Variants in STPG2 observed in about 807,000 individuals in gnomAD.
STPG2 encodes the protein sperm-tail PG-rich repeat-containing protein 2.
A neutral mutation model predicts 54.2 loss-of-function variants in STPG2; 56 were observed. The observed-to-expected ratio is 1.03, with a 90% CI of 0.83 to 1.29. STPG2 has a LOEUF of 1.29. Among genes scored for constraint, STPG2 ranks in the 50% most tolerant of loss-of-function variants. The pLI, the probability that STPG2 is intolerant of heterozygous loss-of-function variation, is 0.00. For synonymous variants in STPG2, 200 were observed against 181.8 expected (o/e 1.10, Z -0.81); for missense variants, 596 against 544.9 (o/e 1.09, Z -0.93).
At chr4:97,553,020 G>C (rs1470832383) in intron 4 of STPG2, among the ~76,000 whole-genome samples, 1 of 152,030 alleles carries the variant, frequency 6.6e-6, no homozygotes, top group African/African-American at 2.4e-5. Flanking sequence ...CTTTTCCATG[G>C]ATCCTTTTTT....
chr4:97,558,488 C>T (rs1294049593), downstream of STPG2, among the ~76,000 whole-genome samples: 1 of 152,158 alleles, frequency 6.6e-6, no homozygotes, highest in African/African-American at 2.4e-5. Context: ...TTCTTTCTGG[C>T]TCTTCTTGCT....
chr4:97,466,435 G>T (rs1729790755), intron 4 of STPG2, among the ~76,000 whole-genome samples: 1 of 151,944 alleles, frequency 6.6e-6, no homozygotes. Flanking sequence ...TAATAGTTTT[G>T]TGAATGGGGC....
intron 9 of STPG2, among the ~76,000 whole-genome samples, chr4:97,778,999 G>A (rs1189623960): frequency 4.6e-5 from 7 of 152,140 alleles, no homozygotes; most frequent in Admixed American, 4.6e-4. Flanking sequence ...GAGTAGAAAA[G>A]CCGAAAATTC....
At chr4:97,559,926 T>G (rs1367818171) in intron 10 of STPG2, among the ~76,000 whole-genome samples, 1 of 152,216 alleles carries the variant, frequency 6.6e-6, no homozygotes, top group Admixed American at 6.5e-5. Flanking sequence ...TTTAATTTCC[T>G]TGCCTTTTCC....
At chr4:98,076,588 A>G (rs950626567) in intron 5 of STPG2, among the ~76,000 whole-genome samples, 1 of 152,180 alleles carries the variant, frequency 6.6e-6, no homozygotes, top group Non-Finnish European at 1.5e-5. Context: ...GCAGTTATAG[A>G]TATTTCAAAG....
chr4:97,535,193 A>G (rs1345712883), intron 4 of STPG2, among the ~76,000 whole-genome samples: 1 of 152,204 alleles, frequency 6.6e-6, no homozygotes, highest in Non-Finnish European at 1.5e-5. Flanking sequence ...TTAATTTTAT[A>G]AAATACTGCC....
intron 5 of STPG2, among the ~76,000 whole-genome samples, chr4:98,018,380 G>A (rs1265105494): frequency 2.0e-5 from 3 of 152,178 alleles, no homozygotes; most frequent in African/African-American, 7.2e-5. Context: ...GTATTCCATG[G>A]TGTATATGTG....
At chr4:97,705,566 G>C (rs1208854287) in intron 10 of STPG2, among the ~76,000 whole-genome samples, 2 of 151,782 alleles carry the variant, frequency 1.3e-5, no homozygotes, top group Non-Finnish European at 2.9e-5. Flanking sequence ...CCTCCGATGA[G>C]TTGCCCACCT....
intron 8 of STPG2, among the ~76,000 whole-genome samples, chr4:97,871,853 T>C (rs908525506): frequency 2.0e-5 from 3 of 151,084 alleles, no homozygotes; most frequent in Non-Finnish European, 4.5e-5. Context: ...AAGAAAATTA[T>C]AGACCAATCA....
At chr4:97,457,315 G>A (rs1729554171) in intron 4 of STPG2, among the ~76,000 whole-genome samples, 1 of 152,202 alleles carries the variant, frequency 6.6e-6, no homozygotes, top group Non-Finnish European at 1.5e-5. Context: ...ATGCTTACAG[G>A]TATCTTGTTC....
At chr4:97,960,659 C>T (rs1421357733) in intron 7 of STPG2, among the ~76,000 whole-genome samples, 1 of 151,956 alleles carries the variant, frequency 6.6e-6, no homozygotes, top group Admixed American at 6.6e-5. Flanking sequence ...AAGACCTCTA[C>T]AAGGAAAACT....
intron 7 of STPG2, among the ~76,000 whole-genome samples, chr4:97,954,068 A>T (rs1332436073): frequency 6.6e-6 from 1 of 152,240 alleles, no homozygotes; most frequent in Non-Finnish European, 1.5e-5. Context: ...TTTAGTACTT[A>T]GGAGGTAAAA....
At chr4:98,009,534 G>C (rs1330526759) in intron 5 of STPG2, among the ~76,000 whole-genome samples, 1 of 151,988 alleles carries the variant, frequency 6.6e-6, no homozygotes, top group African/African-American at 2.4e-5. Flanking sequence ...ATGTGTGCTT[G>C]TGACAAATAT....
At chr4:97,630,622 T>A (rs868691395) in intron 10 of STPG2, among the ~76,000 whole-genome samples, 1 of 151,876 alleles carries the variant, frequency 6.6e-6, no homozygotes, top group East Asian at 1.9e-4. Context: ...GAAAAACACA[T>A]TCTTCCTTTA....
downstream of STPG2, among the ~76,000 whole-genome samples, chr4:97,554,392 G>A (rs1171304098): frequency 6.6e-6 from 1 of 152,162 alleles, no homozygotes; most frequent in African/African-American, 2.4e-5. Context: ...CTCTGAGAGA[G>A]GCTGGAAAAT....
intron 10 of STPG2, among the ~76,000 whole-genome samples, chr4:97,606,922 G>A (rs1733609668): frequency 1.3e-5 from 2 of 151,840 alleles, no homozygotes; most frequent in South Asian, 4.1e-4. Flanking sequence ...GGCACTTATA[G>A]GCTAAAATTC....
At chr4:97,508,715 G>C (rs899929917) in intron 4 of STPG2, among the ~76,000 whole-genome samples, 14 of 151,966 alleles carry the variant, frequency 9.2e-5, no homozygotes, top group African/African-American at 3.4e-4. Context: ...AGTAGAATTT[G>C]TTTGAACAAA....
At chr4:98,066,291 C>T (rs1022823383) in intron 5 of STPG2, among the ~76,000 whole-genome samples, 1 of 152,210 alleles carries the variant, frequency 6.6e-6, no homozygotes, top group South Asian at 2.1e-4. Flanking sequence ...AAAAGTCACA[C>T]TTTAATATTT....
At chr4:97,785,649 G>A (rs1444119408) in intron 9 of STPG2, among the ~76,000 whole-genome samples, 5 of 152,000 alleles carry the variant, frequency 3.3e-5, no homozygotes, top group African/African-American at 1.2e-4. Flanking sequence ...AGTAAAACAT[G>A]TATCAGGATA....
Sources: allele counts gnomAD v4.1 joint callset (sites outside exome capture counted in the v4.1 genomes callset), GRCh38; gene constraint gnomAD v4.1.1; transcripts MANE v1.5; gene names NCBI Gene and HGNC (gene_info 2026-07-23, HGNC 2026-07-21).